The following HERC3 variants were observed in gnomAD, a reference collection of about 807,000 sequenced individuals.
The protein encoded by HERC3 is probable E3 ubiquitin-protein ligase HERC3.
A neutral mutation model predicts 129.9 loss-of-function variants in HERC3; 58 were observed. The observed-to-expected ratio is 0.45, with a 90% CI of 0.36 to 0.56. HERC3 has a LOEUF of 0.56. HERC3 is among the 20% of genes least tolerant of loss of function. The pLI is 0.00. For synonymous variants in HERC3, 430 were observed against 451.0 expected (o/e 0.95, Z 0.59); for missense variants, 835 against 1,244.2 (o/e 0.67, Z 4.95).
At chr4:88,658,063 C>T (rs1044395174) in intron 9 of HERC3, among the ~76,000 whole-genome samples, 1 of 152,142 alleles carries the variant, frequency 6.6e-6, no homozygotes. Flanking sequence ...GGGCCTGGGC[C>T]CACCACACTC....
intron 3 of HERC3, among the ~76,000 whole-genome samples, chr4:88,637,425 CCAAA>C (rs113033783): frequency 9.9e-5 from 15 of 151,950 alleles, no homozygotes; most frequent in South Asian, 4.2e-4. Context: ...GACTCTGTCT[CCAAA>C]CAAACAAACA....
the HERC3 span, among the ~76,000 whole-genome samples, chr4:88,540,407 A>G: frequency 3.3e-5 from 5 of 152,248 alleles, no homozygotes; most frequent in African/African-American, 1.2e-4. Context: ...AAAAAAGTAG[A>G]AAGAAATGAA....
intron 3 of HERC3, among the ~76,000 whole-genome samples, chr4:88,626,761 T>C (rs1578194493): frequency 1.3e-5 from 2 of 152,154 alleles, no homozygotes; most frequent in East Asian, 3.8e-4. Flanking sequence ...AAGATCTGTT[T>C]TTCTGGTATA....
chr4:88,577,637 G>T, the HERC3 span, among the ~76,000 whole-genome samples: 647 of 104,350 alleles, frequency 6.2e-3, 22 homozygotes, highest in African/African-American at 0.052. Flanking sequence ...TAATACCAAA[G>T]GTAGTTGCCA....
chr4:88,661,095 G>A (rs1012800110), intron 10 of HERC3, among the ~76,000 whole-genome samples: 1 of 152,168 alleles, frequency 6.6e-6, no homozygotes, highest in Non-Finnish European at 1.5e-5. Context: ...ATAGTTCCAA[G>A]TCTTTATTTT....
At chr4:88,683,335 T>G (rs1486774416) in intron 21 of HERC3, among the ~76,000 whole-genome samples, 1 of 152,180 alleles carries the variant, frequency 6.6e-6, no homozygotes, top group East Asian at 1.9e-4. Context: ...AATGAGAGTA[T>G]CCCTCTCATA....
chr4:88,610,044 G>A (rs1214982411), intron 3 of HERC3, among the ~76,000 whole-genome samples: 2 of 152,132 alleles, frequency 1.3e-5, no homozygotes, highest in African/African-American at 4.8e-5. Flanking sequence ...GCTCACTCTC[G>A]TGGCCATTTT....
chr4:88,685,361 T>A (rs185447119), intron 21 of HERC3, among the ~76,000 whole-genome samples: 1 of 152,316 alleles, frequency 6.6e-6, no homozygotes, highest in African/African-American at 2.4e-5. Flanking sequence ...TGCCCATCAA[T>A]GATAGACTGG....
chr4:88,674,834 T>C (rs992797297), intron 16 of HERC3, among the ~76,000 whole-genome samples: 3 of 152,186 alleles, frequency 2.0e-5, no homozygotes, highest in Admixed American at 2.0e-4. Flanking sequence ...TTAGTGTTTC[T>C]CTGTCTAGAG....
chr4:88,676,636 C>T (rs914834134), intron 18 of HERC3, among the ~76,000 whole-genome samples: 1 of 151,644 alleles, frequency 6.6e-6, no homozygotes, highest in African/African-American at 2.4e-5. Context: ...AAAAGGATGA[C>T]TTAGTAAATG....
At chr4:88,601,852 C>G (rs62308697) in intron 2 of HERC3, among the ~76,000 whole-genome samples, 1,519 of 92,912 alleles carry the variant, frequency 0.016, 285 homozygotes, top group African/African-American at 0.088. Flanking sequence ...GTCAGGAGAT[C>G]GAGACCATCC....
chr4:88,537,495 C>T, the HERC3 span, among the ~76,000 whole-genome samples: 1 of 152,162 alleles, frequency 6.6e-6, no homozygotes, highest in Non-Finnish European at 1.5e-5. Context: ...ATTTTTAGTG[C>T]ATCCTACCAA....
intron 23 of HERC3, chr4:88,690,634 A>C: frequency 3.0e-6 from 3 of 984,786 alleles, no homozygotes; most frequent in Non-Finnish European, 3.6e-6. Flanking sequence ...GGAATAGGCA[A>C]TTGGCAATGT....
chr4:88,686,733 T>C lies in HERC3; in HGVS notation c.2508-3T>C. ...TTTTCCTTTTCTGTCATTCTATGAT[T>C]AGGAGTCTCCAAGAGCTTTTAGATT... On this transcript the variant is annotated splice_polypyrimidine_tract_variant and splice_region_variant and intron_variant, in intron 21 of 25. Transcript: ENST00000402738. 1 of 1,601,558 alleles carries C rather than the reference T, an allele frequency of 6.2e-7. No homozygotes were observed. The highest frequency in any genetic ancestry group is 1.3e-5 in the African/African-American group (1 of 74,720).
chr4:88,540,947 A>G, the HERC3 span, among the ~76,000 whole-genome samples: 1 of 152,252 alleles, frequency 6.6e-6, no homozygotes, highest in Admixed American at 6.5e-5. Flanking sequence ...AGGAAGCACT[A>G]AATATCGAAA....
intron 3 of HERC3, among the ~76,000 whole-genome samples, chr4:88,612,043 ACTCTGT>A (rs1724385762): frequency 6.6e-6 from 1 of 151,898 alleles, no homozygotes; most frequent in African/African-American, 2.4e-5. Flanking sequence ...CATGTTATAC[ACTCTGT>A]CTCTAACTGG....
chr4:88,653,908 T>G, intron 6 of HERC3, 134 bp from the exon 7 acceptor site: 1 of 650,236 alleles, frequency 1.5e-6, no homozygotes, highest in Non-Finnish European at 2.7e-6. Context: ...CTGTTGGATA[T>G]CCAAGTACAG....
chr4:88,616,446 A>G (rs1440766883), intron 3 of HERC3, among the ~76,000 whole-genome samples: 2 of 152,366 alleles, frequency 1.3e-5, no homozygotes, highest in South Asian at 4.1e-4. Flanking sequence ...TTAGCTGGGT[A>G]GTATGATCTT....
Position 88,605,907 on chromosome 4 carries a change from T to G in HERC3, c.84T>G (p.Cys28Trp). ...GAATTGTGGCTGAGCCCCAGGTGTG[T>G]GGGTTCATATCTGACAGAAGTGTCA... Reference protein sequence around the residue: ...LQGIVAEPQVCGFISDRSVKE... With the variant: ...LQGIVAEPQVWGFISDRSVKE... Residue 28 changes from cysteine (C) to tryptophan (W), a missense_variant, in exon 3 of 26, where the codon TGT (cysteine) becomes TGG (tryptophan). Cys to Trp is a radical substitution (Grantham distance 215, BLOSUM62 -2). Coordinates refer to ENST00000402738, the MANE Select transcript of HERC3 (RefSeq NM_014606.3). The G allele has an allele frequency of 6.2e-7, 1 of 1,614,186 alleles. No individual in the cohort carries two copies. Among genetic ancestry groups the G allele is most frequent in the African/African-American group, 1.3e-5 (1 of 75,046 alleles).
Sources: gnomAD v4.1 joint callset for allele counts (sites outside exome capture counted in the v4.1 genomes callset) on GRCh38, gnomAD v4.1.1 for gene constraint, MANE v1.5 for transcripts, NCBI Gene and HGNC (gene_info 2026-07-23, HGNC 2026-07-21) for gene names.